The following CLCC1 variants were observed in gnomAD, a reference collection of about 807,000 sequenced individuals.
CLCC1 encodes the protein chloride channel CLIC-like protein 1.
Under a neutral mutation model 63.3 loss-of-function variants are expected in CLCC1, and 39 were observed. The observed-to-expected ratio is 0.62, with a 90% confidence interval of 0.48 to 0.81. The LOEUF (loss-of-function observed/expected upper bound fraction) is 0.81, where lower values mean the gene tolerates loss of function less well. Ranked by LOEUF, CLCC1 falls within the 30% of genes least tolerant of loss-of-function variation. The probability of loss-of-function intolerance (pLI) is 0.00; values close to 1 mark genes in which losing one functional copy is unlikely to be tolerated. For synonymous variants in CLCC1, 217 were observed against 239.8 expected (o/e 0.90, Z 0.88); for missense variants, 549 against 669.4 (o/e 0.82, Z 1.98).
At position 108,931,360 on chromosome 1, in the gene CLCC1, C is replaced by G. The variant is rs770784336; in HGVS notation, c.*1187G>C. The G allele has an allele frequency of 6.4e-6, 10 of 1,550,776 alleles. No individual in the cohort carries two copies. The highest frequency in any genetic ancestry group is 5.9e-5 in the Admixed American group (3 of 50,962). ...GGATGATAACAAAGTAACTAACTAACTGTAGCAAAAGACAAGTATGGGACA... is the reference window on the plus strand; with the variant it reads ...GGATGATAACAAAGTAACTAACTAAGTGTAGCAAAAGACAAGTATGGGACA... On this transcript the variant is annotated 3_prime_UTR_variant, in exon 13 of 13. Transcript: ENST00000369969.
intron 4 of CLCC1, among the ~76,000 whole-genome samples, chr1:108,949,203 C>G (rs989162564): frequency 1.4e-4 from 22 of 152,222 alleles, no homozygotes; most frequent in African/African-American, 5.3e-4. Context: ...ACTGACACCC[C>G]CCTTCTCCAT....
intron 10 of CLCC1, among the ~76,000 whole-genome samples, chr1:108,937,660 C>T (rs944622295): frequency 1.3e-5 from 2 of 152,144 alleles, no homozygotes; most frequent in East Asian, 1.9e-4. Context: ...AGACACATTT[C>T]GATTGAACTA....
chr1:108,938,309 C>T lies in CLCC1; in HGVS notation c.1042-891G>A, dbSNP rs114335231. Among the ~76,000 whole-genome samples the T allele has an allele frequency of 4.2e-3, 641 of 152,268 alleles. 8 individuals carry two copies. Among genetic ancestry groups the T allele is most frequent in the African/African-American group, 0.015 (605 of 41,538 alleles). On this transcript the variant is annotated intron_variant, in intron 10 of 12. Coordinates refer to ENST00000369969, the MANE Select transcript of CLCC1 (RefSeq NM_001377458.1). ...GCAAAAGTCAAAGAGCATAACTTTC[C>T]TGAGGGAGCACATGAAACAAAAACA... is the stretch of plus-strand genomic sequence containing the variant.
At chr1:108,950,548 G>T in intron 2 of CLCC1, 100 bp from the exon 3 acceptor site, 1 of 643,542 alleles carries the variant, frequency 1.6e-6, no homozygotes, top group Non-Finnish European at 2.2e-6. Context: ...TAGAGACAGG[G>T]TCTTGCTCTA....
chr1:108,949,569 A>G (rs950616176), intron 4 of CLCC1, among the ~76,000 whole-genome samples: 1 of 152,202 alleles, frequency 6.6e-6, no homozygotes, highest in African/African-American at 2.4e-5. Context: ...AGAAGTCTGC[A>G]GTCTGGTAAA....
At chr1:108,949,228 C>T (rs1654900000) in intron 4 of CLCC1, among the ~76,000 whole-genome samples, 1 of 152,236 alleles carries the variant, frequency 6.6e-6, no homozygotes, top group Non-Finnish European at 1.5e-5. Flanking sequence ...GGCCTCACCT[C>T]CTTACCTCCA....
intron 5 of CLCC1, among the ~76,000 whole-genome samples, chr1:108,944,768 T>C (rs901799530): frequency 6.6e-6 from 1 of 152,068 alleles, no homozygotes; most frequent in Non-Finnish European, 1.5e-5. Context: ...TAGCTGGGAC[T>C]ACAGGTGCCC....
intron 2 of CLCC1, among the ~76,000 whole-genome samples, chr1:108,951,447 A>G (rs1655172837): frequency 6.6e-6 from 1 of 152,238 alleles, no homozygotes; most frequent in African/African-American, 2.4e-5. Context: ...TAGCCATGCA[A>G]TGGAATATTA....
chr1:108,946,099 A>G (rs1267172682), intron 5 of CLCC1, among the ~76,000 whole-genome samples: 1 of 152,184 alleles, frequency 6.6e-6, no homozygotes, highest in Non-Finnish European at 1.5e-5. Context: ...TCACGAGGTC[A>G]GGAGATCAAG....
chr1:108,957,899 A>G (rs1656114416), intron 2 of CLCC1, among the ~76,000 whole-genome samples: 2 of 151,388 alleles, frequency 1.3e-5, no homozygotes, highest in Non-Finnish European at 2.9e-5. Flanking sequence ...TATGAGGACA[A>G]AAGACTGAGT....
chr1:108,955,072 C>T (rs919131470), intron 2 of CLCC1, among the ~76,000 whole-genome samples: 17 of 150,628 alleles, frequency 1.1e-4, no homozygotes, highest in Non-Finnish European at 2.5e-4. Context: ...CTTGAACTCC[C>T]GACCTCAGGT....
At position 108,934,921 on chromosome 1, in the gene CLCC1, T is replaced by A. The variant is rs199581690; in HGVS notation, c.1405A>T (p.Thr469Ser). ...VPSHKSPVLD[T>S]KPKETGGILG... ...ATTCCACCTGTCTCCTTGGGCTTTG[T>A]ATCCAAAACAGGTGATTTATGCTAT... is the stretch of plus-strand genomic sequence containing the variant. Residue 469 changes from threonine to serine, a missense_variant, in exon 12 of 13, where the codon ACA becomes TCA. Transcript: ENST00000369969. The A allele has an allele frequency of 6.8e-6, 11 of 1,611,556 alleles. No homozygotes were observed. The highest frequency in any genetic ancestry group is 9.3e-6 in the Non-Finnish European group (11 of 1,178,352).
intron 10 of CLCC1, among the ~76,000 whole-genome samples, chr1:108,939,226 T>G (rs1443121156): frequency 7.0e-6 from 1 of 142,676 alleles, no homozygotes; most frequent in Non-Finnish European, 1.5e-5. Flanking sequence ...AAATATATAT[T>G]ATATATAATA....
rs1557897678 is a variant in CLCC1 at position 108,950,314 on chromosome 1, A to AT, written c.123dup (p.Ser42IlefsTer16). On this transcript the variant is annotated frameshift_variant, in exon 3 of 13. Transcript: ENST00000369969. LOFTEE classifies it high-confidence loss of function. ...GCACGAATTTTTTTTAATACCTGAG[A>AT]TTTTCTCATTGTTCCTGAAGCAGCA... The AT allele has an allele frequency of 6.2e-7, 1 of 1,611,280 alleles. No homozygotes were observed. The highest frequency in any genetic ancestry group is 8.5e-7 in the Non-Finnish European group (1 of 1,178,668).
intron 9 of CLCC1, 27 bp downstream of exon 9, chr1:108,940,014 TTAAG>T (rs771379444): frequency 6.8e-5 from 103 of 1,514,324 alleles, no homozygotes; most frequent in Non-Finnish European, 9.3e-5. Flanking sequence ...CTGACTGACT[TTAAG>T]TAATTTTTAC....
chr1:108,945,337 A>G (rs1420586733), intron 5 of CLCC1, among the ~76,000 whole-genome samples: 1 of 152,178 alleles, frequency 6.6e-6, no homozygotes, highest in Non-Finnish European at 1.5e-5. Context: ...AAAAATAAAA[A>G]AAATCACCCC....
chr1:108,935,966 C>T (rs1462855390), intron 11 of CLCC1, among the ~76,000 whole-genome samples: 4 of 151,654 alleles, frequency 2.6e-5, no homozygotes, highest in Non-Finnish European at 5.9e-5. Context: ...ACCAAGGAGG[C>T]TTCCAGGCCA....
At chr1:108,949,791 A>G in intron 4 of CLCC1, 29 bp downstream of exon 4, 2 of 1,176,620 alleles carry the variant, frequency 1.7e-6, no homozygotes, top group South Asian at 1.5e-5. Context: ...TAATATAAAA[A>G]TATAAAATTT....
At position 108,930,113 on chromosome 1, in the gene CLCC1, G is replaced by A. The variant is rs1411037891; in HGVS notation, c.*2434C>T. 1.3e-5 allele frequency: 8 copies of A among 638,506 alleles called. No individual in the cohort carries two copies. Among genetic ancestry groups the A allele is most frequent in the East Asian group, 8.3e-5 (3 of 36,128 alleles). The allele number at this position is 638,506 out of a possible 1,614,324, so 39.6% of individuals were successfully genotyped here. A position where few individuals can be genotyped will look rare whatever the true frequency, so the allele number is the denominator to read the frequency against. On this transcript the variant is annotated 3_prime_UTR_variant, in exon 13 of 13. Coordinates refer to ENST00000369969, the MANE Select transcript of CLCC1 (RefSeq NM_001377458.1). ...GGCATTAATACTTCTCTGGACATGC[G>A]CGTTTGAGGGTGGAGGGGTCCTGTA...
Sources: allele counts gnomAD v4.1 joint callset (sites outside exome capture counted in the v4.1 genomes callset), GRCh38; gene constraint gnomAD v4.1.1; transcripts MANE v1.5; gene names NCBI Gene and HGNC (gene_info 2026-07-23, HGNC 2026-07-21).